The following TCF20 variants were observed in gnomAD, a reference collection of about 807,000 sequenced individuals.
The protein encoded by TCF20 is transcription factor 20.
A neutral mutation model predicts 148.6 loss-of-function variants in TCF20; 3 were observed. That is an observed-to-expected ratio of 0.02 (90% confidence interval 0.01 to 0.05). TCF20 has a LOEUF of 0.05. Ranked by LOEUF, TCF20 falls within the 10% of genes least tolerant of loss-of-function variation. The pLI is 1.00. For synonymous variants in TCF20, 1,049 were observed against 909.5 expected (o/e 1.15, Z -2.76); for missense variants, 2,350 against 2,429.3 (o/e 0.97, Z 0.69).
chr22:42,213,284 G>T lies in TCF20; in HGVS notation c.2022C>A (p.Asn674Lys). 6.2e-7 allele frequency: 1 copy of T among 1,614,174 alleles called. No homozygotes were observed. Among genetic ancestry groups the T allele is most frequent in the East Asian group, 2.2e-5 (1 of 44,888 alleles). ...TCTGGCCATTTCCTTCTCCATTATG[G>T]TTGGAGTTGTTATCGCCATTCTTGT... The part of the protein sequence containing the change: ...KGNKNGDNNS[N>K]HNGEGNGQSG... The change falls in exon 2 of 6, where the codon AAC (asparagine) becomes AAA (lysine). Residue 674 changes from asparagine to lysine, a missense_variant. Physicochemically the swap from Asn to Lys is moderately conservative, Grantham distance 94. Transcript: ENST00000677622.
intron 1 of TCF20, among the ~76,000 whole-genome samples, chr22:42,304,529 C>T (rs188380750): frequency 5.9e-4 from 90 of 152,304 alleles, no homozygotes; most frequent in African/African-American, 2.1e-3. Flanking sequence ...TTGCATGCTG[C>T]GTCCGTGCAC....
chr22:42,290,919 C>G lies in TCF20; in HGVS notation c.-37+52560G>C, dbSNP rs926141276. Among the ~76,000 whole-genome samples the G allele has an allele frequency of 1.1e-4, 17 of 152,196 alleles. No individual in the cohort carries two copies. Among genetic ancestry groups the G allele is most frequent in the Admixed American group, 5.9e-4 (9 of 15,282 alleles). ...TTGCAAAGCACCCCCTCTTACCTTA[C>G]CTCGGTACAACCTCAGTACAACCAT... On this transcript the variant is annotated intron_variant, in intron 1 of 1. Coordinates refer to the TCF20 transcript ENST00000515426. This position sits in a 1 kb window ranked among gnomAD's most constrained non-coding sequence, Gnocchi z 4.2.
Position 42,211,226 on chromosome 22 carries a change from T to C in TCF20, c.4080A>G (p.Thr1360=). 1.2e-6 allele frequency: 2 copies of C among 1,614,186 alleles called. No individual in the cohort carries two copies. Among genetic ancestry groups the C allele is most frequent in the Non-Finnish European group, 1.7e-6 (2 of 1,180,038 alleles). The change falls in exon 2 of 6, where the codon ACA becomes ACG. Residue 1360 remains threonine, a synonymous_variant. Transcript: ENST00000677622. ...ATGCGCTCCTCCTAATATTTGGGGATGTAATCTTCTGAACTATAGCTTCCA... is the reference window on the plus strand; with the variant it reads ...ATGCGCTCCTCCTAATATTTGGGGACGTAATCTTCTGAACTATAGCTTCCA... ...LKLEAIVQKI[T]SPNIRRSASS...
chr22:42,246,696 G>A lies in TCF20; in HGVS notation c.-37+23643C>T, dbSNP rs60703015. ...TAGAAAGGTATAATAGGCTGGGCAC[G>A]GTGGCTCACGCCTGTAATCCCAGCA... On this transcript the variant is annotated intron_variant, in intron 1 of 5. Transcript: ENST00000677622. 3.2e-3 allele frequency among the ~76,000 whole-genome samples: 488 copies of A among 152,312 alleles called. 1 individual carries two copies. The highest frequency in any genetic ancestry group is 0.011 in the African/African-American group (467 of 41,572).
At chr22:42,270,030 A>C (rs1011824389) in intron 1 of TCF20, 29 of 152,212 alleles carry the variant, frequency 1.9e-4, no homozygotes, top group African/African-American at 6.3e-4. Flanking sequence ...CAGCAGGTAG[A>C]CCTTCCCTCC....
At chr22:42,168,814 A>AG (rs1935950833) in intron 4 of TCF20, 78 bp from the exon 5 acceptor site, 2 of 1,470,586 alleles carry the variant, frequency 1.4e-6, no homozygotes, top group Admixed American at 4.6e-5. Context: ...AAGGGAGGAC[A>AG]GGAGTGGCAC....
rs951017982 is a variant in TCF20 at position 42,177,902 on chromosome 22, A to G, written c.5749+1707T>C. 7.0e-4 allele frequency among the ~76,000 whole-genome samples: 106 copies of G among 151,894 alleles called. 1 individual carries two copies. Among genetic ancestry groups the G allele is most frequent in the Non-Finnish European group, 4.4e-5 (3 of 67,944 alleles). On this transcript the variant is annotated intron_variant, in intron 3 of 5. Transcript: ENST00000677622. ...CCTGGATAGGAGCACTTTTTGTTCT[A>G]AGGCTACTCTTGGTGGTTCCTGGAT... is the stretch of plus-strand genomic sequence containing the variant.
At chr22:42,325,388 C>T (rs528640540) in intron 1 of TCF20, among the ~76,000 whole-genome samples, 1 of 152,074 alleles carries the variant, frequency 6.6e-6, no homozygotes, top group Non-Finnish European at 1.5e-5. Context: ...CTCACCTCAA[C>T]AGGTGGGGCC....
In TCF20 at chr22:42,332,965, G is replaced by A. The variant is rs1928003555; in HGVS notation, c.-37+10514C>T. On this transcript the variant is annotated intron_variant, in intron 1 of 1. Coordinates refer to the TCF20 transcript ENST00000515426. Reference sequence around the variant, plus strand: ...CACGGGGGAGCCTCCAGGGGCACTGGGGATGTTCTAGGTCTGGATCTGGAT... The same window carrying A: ...CACGGGGGAGCCTCCAGGGGCACTGAGGATGTTCTAGGTCTGGATCTGGAT... Among the ~76,000 whole-genome samples the A allele has an allele frequency of 3.9e-5, 6 of 152,298 alleles. No individual in the cohort carries two copies. The South Asian group carries it at 1.2e-3, about 32-fold the overall frequency.
At chr22:42,180,831 T>A (rs1011924095) in intron 2 of TCF20, among the ~76,000 whole-genome samples, 1 of 152,158 alleles carries the variant, frequency 6.6e-6, no homozygotes, top group Non-Finnish European at 1.5e-5. Flanking sequence ...TTGTTCCAGG[T>A]CAGAGCTGAG....
At chr22:42,187,242 GTC>G (rs759083601) in intron 2 of TCF20, among the ~76,000 whole-genome samples, 5 of 152,156 alleles carry the variant, frequency 3.3e-5, no homozygotes, top group South Asian at 2.1e-4. Context: ...CTGGGACCCA[GTC>G]ATCTGCTTCC....
At chr22:42,262,143 G>A (rs1011013618) in intron 1 of TCF20, among the ~76,000 whole-genome samples, 1 of 152,194 alleles carries the variant, frequency 6.6e-6, no homozygotes, top group Non-Finnish European at 1.5e-5. Flanking sequence ...ATGTGGGGGA[G>A]TTTGGAATCT....
intron 1 of TCF20, among the ~76,000 whole-genome samples, chr22:42,301,273 T>G (rs918046959): frequency 1.3e-5 from 2 of 151,192 alleles, no homozygotes; most frequent in Non-Finnish European, 3.0e-5. Context: ...GAGGATGGAG[T>G]CATTCATAGG....
intron 2 of TCF20, among the ~76,000 whole-genome samples, chr22:42,205,042 C>T (rs1231486540): frequency 6.6e-6 from 1 of 152,194 alleles, no homozygotes; most frequent in Admixed American, 6.5e-5. Context: ...TCCATGGCCA[C>T]CAGATCTACC....
At chr22:42,171,724 C>A (rs1416970231) in intron 3 of TCF20, among the ~76,000 whole-genome samples, 1 of 152,252 alleles carries the variant, frequency 6.6e-6, no homozygotes, top group Non-Finnish European at 1.5e-5. Flanking sequence ...ACAACTGGAG[C>A]TCAGGGGATA....
At chr22:42,335,592 G>A (rs186586049) in intron 1 of TCF20, among the ~76,000 whole-genome samples, 2 of 152,318 alleles carry the variant, frequency 1.3e-5, no homozygotes, top group African/African-American at 2.4e-5. Context: ...CACAGTGCAC[G>A]CATCTGTTAC....
rs1211423805 is a variant in TCF20 at position 42,210,867 on chromosome 22, T to C, written c.4439A>G (p.Asp1480Gly). The change falls in exon 2 of 6, where the codon GAT (aspartate) becomes GGT (glycine). Residue 1480 changes from aspartate to glycine, a missense_variant. By Grantham distance (94) the Asp-to-Gly change is moderately conservative. Coordinates refer to ENST00000677622, the MANE Select transcript of TCF20 (RefSeq NM_001378418.1). This position sits in a 1 kb window ranked among gnomAD's most constrained non-coding sequence, Gnocchi z 4.7. The stretch of plus-strand genomic sequence containing the variant: ...AGGTGCTGTTCCACCCAGGGAACCA[T>C]CTGGTCTCCCTTGGTTACTACCAGG... ...QKPGSNQGRPDGSLGGTAPLI... is the reference protein window; with the variant it reads ...QKPGSNQGRPGGSLGGTAPLI... 1 of 1,614,088 alleles carries C rather than the reference T, an allele frequency of 6.2e-7. No individual in the cohort carries two copies. Among genetic ancestry groups the C allele is most frequent in the Non-Finnish European group, 8.5e-7 (1 of 1,180,056 alleles).
At chr22:42,173,111 T>C (rs142059737) in intron 3 of TCF20, among the ~76,000 whole-genome samples, 1 of 145,826 alleles carries the variant, frequency 6.9e-6, no homozygotes, top group African/African-American at 2.7e-5. Context: ...CAGCTGTTTT[T>C]TCATGAGAGT....
chr22:42,178,705 C>T (rs1047236294), intron 3 of TCF20, among the ~76,000 whole-genome samples: 55 of 150,676 alleles, frequency 3.7e-4, no homozygotes, highest in African/African-American at 1.2e-3. Context: ...GCCTCAGACT[C>T]CCGAGTAGCT....
Sources: allele counts gnomAD v4.1 joint callset (sites outside exome capture counted in the v4.1 genomes callset), GRCh38; gene constraint gnomAD v4.1.1; non-coding constraint Gnocchi (gnomAD v3.1); transcripts MANE v1.5; gene names NCBI Gene and HGNC (gene_info 2026-07-23, HGNC 2026-07-21).